The following GCA variants were observed in gnomAD, a reference collection of about 807,000 sequenced individuals.
GCA encodes grancalcin, EF-hand calcium-binding protein.
In GCA, 30 loss-of-function variants were observed where a neutral mutation model predicts 32.6. The observed-to-expected ratio is 0.92, with a 90% CI of 0.69 to 1.25. The LOEUF (loss-of-function observed/expected upper bound fraction) is 1.25, where lower values mean the gene tolerates loss of function less well. Ranked by LOEUF, GCA falls within the 50% of genes most tolerant of loss-of-function variation. GCA has a pLI of 0.00. For missense variants in GCA, 291 were observed against 266.8 expected, an observed-to-expected ratio of 1.09 and a Z score of -0.63; for synonymous variants, 102 against 84.6, an observed-to-expected ratio of 1.21 and a Z score of -1.13.
At chr2:162,339,382 T>C (rs1400034459), upstream of GCA, among the ~76,000 whole-genome samples, 1 of 152,122 alleles carries the variant, frequency 6.6e-6, no homozygotes, top group Non-Finnish European at 1.5e-5. Context: ...TTAAGGAATA[T>C]TGGAAATCCA....
chr2:162,372,518 C>A (rs1188439982), downstream of GCA, among the ~76,000 whole-genome samples: 2 of 152,034 alleles, frequency 1.3e-5, no homozygotes, highest in East Asian at 3.9e-4. Context: ...TTACCTAAAT[C>A]CACTGAAAAC....
At chr2:162,358,498 GTTATTA>G (rs1249624920) in intron 5 of GCA, among the ~76,000 whole-genome samples, 1 of 151,334 alleles carries the variant, frequency 6.6e-6, no homozygotes, top group East Asian at 1.9e-4. Flanking sequence ...CGAGAAAGCT[GTTATTA>G]TTATTACAGT....
intron 1 of GCA, among the ~76,000 whole-genome samples, chr2:162,331,827 A>ATGTTTT (rs1397339580): frequency 6.6e-6 from 1 of 152,182 alleles, no homozygotes; most frequent in East Asian, 1.9e-4. Flanking sequence ...AAACTGGATT[A>ATGTTTT]TGTTTTTTAG....
intron 1 of GCA, among the ~76,000 whole-genome samples, chr2:162,324,227 C>A (rs1326640524): frequency 6.6e-6 from 1 of 152,186 alleles, no homozygotes. Flanking sequence ...GTCTCAAGGA[C>A]AGAGGGCTTT....
chr2:162,338,408 A>T (rs1284463888), intron 1 of GCA, among the ~76,000 whole-genome samples: 1 of 152,200 alleles, frequency 6.6e-6, no homozygotes, highest in Non-Finnish European at 1.5e-5. Context: ...CTTAACTGAC[A>T]CTACACAGAA....
rs2105275854 is a variant in GCA at position 162,332,233 on chromosome 2, C to T, written c.-31+13008C>T. 2.0e-5 allele frequency among the ~76,000 whole-genome samples: 3 copies of T among 149,640 alleles called. No homozygotes were observed. The South Asian group carries it at 6.4e-4, about 32-fold the overall frequency. ...CTGAGGCAGAAAAATGGCATGAACC[C>T]AGGAGGCGGAGCTTGCAGTGAGCCA... On this transcript the variant is annotated intron_variant, in intron 1 of 4. Transcript: ENST00000429691.
At chr2:162,332,385 T>C (rs1215481921) in intron 1 of GCA, among the ~76,000 whole-genome samples, 1 of 146,972 alleles carries the variant, frequency 6.8e-6, no homozygotes, top group Non-Finnish European at 1.5e-5. Context: ...AATTATATAA[T>C]ATATATAAAA....
At chr2:162,326,868 C>A (rs773394819) in intron 1 of GCA, among the ~76,000 whole-genome samples, 9 of 152,276 alleles carry the variant, frequency 5.9e-5, no homozygotes, top group Non-Finnish European at 1.0e-4. Context: ...AGAGAGAAAG[C>A]AAGCGTCCTC....
chr2:162,331,752 GC>G (rs1187502368), intron 1 of GCA, among the ~76,000 whole-genome samples: 4 of 152,134 alleles, frequency 2.6e-5, no homozygotes, highest in Admixed American at 6.5e-5. Context: ...TTTTGTTGTA[GC>G]AGAACTAACA....
Position 162,359,474 on chromosome 2 carries a change from A to C in GCA, c.569-20A>C. The C allele has an allele frequency of 7.9e-7, 1 of 1,270,516 alleles. No homozygotes were observed. Among genetic ancestry groups the C allele is most frequent in the Non-Finnish European group, 1.1e-6 (1 of 887,566 alleles). 78.7% of individuals were successfully genotyped at this position (1,270,516 alleles called of 1,614,324 possible). A position where few individuals can be genotyped will look rare whatever the true frequency, so the allele number is the denominator to read the frequency against. ...TATGTATTTTAAATTACAATAAAAAAGTAATTTCTTTGTTTAAAGATTTCT... is the reference window on the plus strand; with the variant it reads ...TATGTATTTTAAATTACAATAAAAACGTAATTTCTTTGTTTAAAGATTTCT... On this transcript the variant is annotated intron_variant, in intron 6 of 7. Coordinates refer to ENST00000437150, the MANE Select transcript of GCA (RefSeq NM_012198.5).
chr2:162,319,124 T>C (rs765035628), exon 1 of GCA: 4 of 456,408 alleles, frequency 8.8e-6, no homozygotes, highest in South Asian at 6.2e-5. Context: ...TCAGAAGACA[T>C]CTTTGCAGAG....
At chr2:162,368,732 C>G (rs902911783) in intron 4 of GCA, among the ~76,000 whole-genome samples, 1 of 152,016 alleles carries the variant, frequency 6.6e-6, no homozygotes, top group Non-Finnish European at 1.5e-5. Flanking sequence ...GATAGTTGTG[C>G]TCTGATGACC....
chr2:162,335,889 C>T (rs547107659), intron 1 of GCA, among the ~76,000 whole-genome samples: 1 of 152,140 alleles, frequency 6.6e-6, no homozygotes, highest in Non-Finnish European at 1.5e-5. Flanking sequence ...AACCAATTAA[C>T]CTAGTCTCTT....
At chr2:162,374,791 T>A (rs1170921366), downstream of GCA, among the ~76,000 whole-genome samples, 1 of 152,220 alleles carries the variant, frequency 6.6e-6, no homozygotes, top group African/African-American at 2.4e-5. Context: ...CTTGCAGTTT[T>A]TCTATAGTTA....
At chr2:162,332,325 AT>A (rs1417249380) in intron 1 of GCA, among the ~76,000 whole-genome samples, 86 of 53,818 alleles carry the variant, frequency 1.6e-3, no homozygotes, top group Admixed American at 4.5e-3. Flanking sequence ...AAAAAAAAAT[AT>A]ATATATATAT....
chr2:162,365,406 A>G (rs1685721171), downstream of GCA, among the ~76,000 whole-genome samples: 1 of 151,696 alleles, frequency 6.6e-6, no homozygotes, highest in African/African-American at 2.4e-5. Context: ...TGTCAATACC[A>G]CATACCAATC....
intron 2 of GCA, among the ~76,000 whole-genome samples, chr2:162,350,019 C>G (rs1684910951): frequency 6.6e-6 from 1 of 152,038 alleles, no homozygotes; most frequent in African/African-American, 2.4e-5. Flanking sequence ...TTTTGGCTAC[C>G]CCAATTTCAT....
chr2:162,321,883 C>CATATATAT (rs10529213), intron 1 of GCA, among the ~76,000 whole-genome samples: 1 of 70,214 alleles, frequency 1.4e-5, no homozygotes, highest in Non-Finnish European at 2.7e-5. Context: ...AATTTAGTTA[C>CATATATAT]ATATATATAT....
At chr2:162,366,326 A>G (rs966028470), downstream of GCA, among the ~76,000 whole-genome samples, 6 of 151,858 alleles carry the variant, frequency 4.0e-5, no homozygotes, top group African/African-American at 9.7e-5. Flanking sequence ...AAATTTGTCA[A>G]TTGATATGGT....
Sources: gnomAD v4.1 joint callset for allele counts (sites outside exome capture counted in the v4.1 genomes callset) on GRCh38, gnomAD v4.1.1 for gene constraint, MANE v1.5 for transcripts, NCBI Gene and HGNC (gene_info 2026-07-23, HGNC 2026-07-21) for gene names.